Variants in GRIN2A observed in about 807,000 individuals in gnomAD.
The protein encoded by GRIN2A is glutamate ionotropic receptor NMDA type subunit 2A, also known as glutamate receptor ionotropic, NMDA 2A.
A neutral mutation model predicts 113.4 loss-of-function variants in GRIN2A; 22 were observed. The observed-to-expected ratio is 0.19, with a 90% confidence interval of 0.14 to 0.28. GRIN2A has a LOEUF of 0.28. Ranked by LOEUF, GRIN2A falls within the 10% of genes least tolerant of loss-of-function variation. GRIN2A has a pLI of 1.00. For synonymous variants in GRIN2A, 827 were observed against 738.4 expected, an observed-to-expected ratio of 1.12 and a Z score of -1.94; for missense variants, 1,502 against 1,887.0, an observed-to-expected ratio of 0.80 and a Z score of 3.78.
intron 2 of GRIN2A, among the ~76,000 whole-genome samples, chr16:10,092,150 G>A (rs2048194811): frequency 6.6e-6 from 1 of 152,174 alleles, no homozygotes; most frequent in African/African-American, 2.4e-5. Context: ...AGTCAAATGA[G>A]GAGTCTTTGG....
intron 3 of GRIN2A, among the ~76,000 whole-genome samples, chr16:9,911,663 C>T (rs2044140143): frequency 6.6e-6 from 1 of 152,162 alleles, no homozygotes; most frequent in Admixed American, 6.5e-5. Context: ...CAAGGAAGTG[C>T]ATTTGGAAAA....
At chr16:9,818,490 TG>T (rs941609185) in intron 10 of GRIN2A, among the ~76,000 whole-genome samples, 10 of 149,076 alleles carry the variant, frequency 6.7e-5, no homozygotes, top group Admixed American at 6.0e-4. Flanking sequence ...AAAATCTGCA[TG>T]GAAAAAAAAA....
At chr16:10,057,436 C>A (rs556554787) in intron 2 of GRIN2A, among the ~76,000 whole-genome samples, 28 of 152,130 alleles carry the variant, frequency 1.8e-4, no homozygotes, top group Non-Finnish European at 3.7e-4. Flanking sequence ...TATCCAAGGC[C>A]TCTTCCCAAA....
intron 2 of GRIN2A, among the ~76,000 whole-genome samples, chr16:10,005,553 G>A (rs933091867): frequency 2.0e-5 from 3 of 152,254 alleles, no homozygotes; most frequent in East Asian, 3.9e-4. Flanking sequence ...GGGGGTCCAC[G>A]CCCTACCTGG....
chr16:9,909,447 A>G (rs2044091062), intron 3 of GRIN2A, among the ~76,000 whole-genome samples: 1 of 152,242 alleles, frequency 6.6e-6, no homozygotes, highest in Admixed American at 6.5e-5. Flanking sequence ...CACATCCAGT[A>G]TGGCAGCCAC....
intron 11 of GRIN2A, among the ~76,000 whole-genome samples, chr16:9,786,376 T>G (rs950297183): frequency 6.6e-6 from 1 of 152,154 alleles, no homozygotes; most frequent in African/African-American, 2.4e-5. Flanking sequence ...AAAATTAGGC[T>G]GGGCCTGCTC....
intron 3 of GRIN2A, 197 bp downstream of exon 3, chr16:9,937,762 G>C: frequency 1.7e-6 from 1 of 602,502 alleles, no homozygotes; most frequent in Non-Finnish European, 2.9e-6. Flanking sequence ...TAAGTTGCAG[G>C]AAACAAAGTC....
intron 2 of GRIN2A, among the ~76,000 whole-genome samples, chr16:10,039,802 G>GAGGGAGGGGGAGGGGGA (rs1555469289): frequency 1.8e-4 from 10 of 56,166 alleles, no homozygotes; most frequent in East Asian, 9.9e-4. Context: ...GGGAGGGGGA[G>GAGGGAGGGGGAGGGGGA]GGGGGGGAGA....
intron 2 of GRIN2A, among the ~76,000 whole-genome samples, chr16:10,148,509 T>A (rs925220305): frequency 6.6e-6 from 1 of 152,206 alleles, no homozygotes; most frequent in African/African-American, 2.4e-5. Context: ...GAGCTCCGTG[T>A]TCACAGATCT....
intron 2 of GRIN2A, among the ~76,000 whole-genome samples, chr16:10,003,574 G>C (rs1201309052): frequency 6.6e-6 from 1 of 152,192 alleles, no homozygotes; most frequent in Admixed American, 6.5e-5. Flanking sequence ...TGAGTTCTTG[G>C]ACAAGGCTGA....
At chr16:10,134,856 G>T (rs1395456224) in intron 2 of GRIN2A, among the ~76,000 whole-genome samples, 1 of 152,066 alleles carries the variant, frequency 6.6e-6, no homozygotes, top group East Asian at 1.9e-4. Flanking sequence ...TGGCCAAGGG[G>T]TACATGAGTC....
intron 8 of GRIN2A, among the ~76,000 whole-genome samples, chr16:9,830,103 T>C (rs2042462364): frequency 6.6e-6 from 1 of 152,244 alleles, no homozygotes; most frequent in Non-Finnish European, 1.5e-5. Context: ...TTTGGTATTC[T>C]AATCCGATTG....
chr16:9,798,510 AC>A, intron 10 of GRIN2A, 46 bp from the exon 11 acceptor site: 2 of 1,505,056 alleles, frequency 1.3e-6, no homozygotes, highest in Non-Finnish European at 1.8e-6. Flanking sequence ...GCCAGGTACC[AC>A]CTCGGGGTCC....
chr16:10,127,303 G>A (rs558773419), intron 2 of GRIN2A, among the ~76,000 whole-genome samples: 1 of 151,846 alleles, frequency 6.6e-6, no homozygotes, highest in Admixed American at 6.6e-5. Context: ...TGTTCAAGAT[G>A]AATCACCTGT....
rs1300178433 is a variant in GRIN2A, at chr16:9,805,751, T to G, written c.2169-7287A>C. On this transcript the variant is annotated intron_variant, in intron 10 of 12. Coordinates refer to ENST00000330684, the MANE Select transcript of GRIN2A (RefSeq NM_001134407.3). ...GCAGATGCTGGTGGGATTTAGGAGA[T>G]TATCTGGCAGTGGTGGTATCATTAT... Among the ~76,000 whole-genome samples, 4 of 152,244 alleles carry G rather than the reference T, an allele frequency of 2.6e-5. No individual in the cohort carries two copies. In the East Asian group the frequency reaches 7.7e-4, roughly 29 times the overall value.
At chr16:9,823,553 T>C (rs1434908673) in intron 9 of GRIN2A, among the ~76,000 whole-genome samples, 1 of 152,192 alleles carries the variant, frequency 6.6e-6, no homozygotes, top group East Asian at 1.9e-4. Context: ...CTATGAAACA[T>C]TGAATTCTGG....
chr16:10,173,739 G>A (rs1456436907), intron 2 of GRIN2A, among the ~76,000 whole-genome samples: 1 of 152,164 alleles, frequency 6.6e-6, no homozygotes, highest in Non-Finnish European at 1.5e-5. Context: ...TAAAATAATT[G>A]TGGTATGAAC....
intron 2 of GRIN2A, among the ~76,000 whole-genome samples, chr16:10,051,323 C>T (rs1035300713): frequency 6.6e-6 from 1 of 152,160 alleles, no homozygotes; most frequent in Non-Finnish European, 1.5e-5. Flanking sequence ...CAGACAGGAA[C>T]AAGACACCTC....
At chr16:10,107,504 C>A (rs1596513196) in intron 2 of GRIN2A, among the ~76,000 whole-genome samples, 1 of 152,210 alleles carries the variant, frequency 6.6e-6, no homozygotes, top group Admixed American at 6.5e-5. Context: ...TGGAGTCCTG[C>A]AGCCTTTGAA....
Sources: gnomAD v4.1 joint callset for allele counts (sites outside exome capture counted in the v4.1 genomes callset) on GRCh38, gnomAD v4.1.1 for gene constraint, MANE v1.5 for transcripts, NCBI Gene and HGNC (gene_info 2026-07-23, HGNC 2026-07-21) for gene names.